SIK3: variants seen among roughly 807,000 people sequenced by gnomAD.
SIK3 encodes the protein serine/threonine-protein kinase SIK3.
In SIK3, 28 loss-of-function variants were observed where a neutral mutation model predicts 144.2. The ratio of observed to expected loss-of-function variants is 0.19; its 90% CI spans 0.14 to 0.27. The LOEUF (loss-of-function observed/expected upper bound fraction) is 0.27, where lower values mean the gene tolerates loss of function less well. Ranked by LOEUF, SIK3 falls within the 10% of genes least tolerant of loss-of-function variation. The pLI, the probability that SIK3 is intolerant of heterozygous loss-of-function variation, is 1.00. For missense variants in SIK3, 1,319 were observed against 1,776.0 expected (o/e 0.74, Z 4.62); for synonymous variants, 686 against 676.3 (o/e 1.01, Z -0.22).
chr11:116,964,706 C>T (rs1032756671), intron 1 of SIK3, among the ~76,000 whole-genome samples: 4 of 152,026 alleles, frequency 2.6e-5, no homozygotes, highest in Non-Finnish European at 5.9e-5. Flanking sequence ...CATGGTGAAA[C>T]CCCACCTCTA....
At chr11:117,036,264 G>A (rs771882735) in intron 1 of SIK3, among the ~76,000 whole-genome samples, 4 of 152,172 alleles carry the variant, frequency 2.6e-5, no homozygotes, top group South Asian at 2.1e-4. Context: ...GTTTCTCATA[G>A]TAACGTAAAG....
intron 3 of SIK3, chr11:116,950,024 A>G (rs1001223040): frequency 6.7e-6 from 3 of 450,502 alleles, no homozygotes; most frequent in Admixed American, 2.4e-5. Flanking sequence ...GGGGGAGGAC[A>G]GCAGCCTGGG....
At chr11:117,006,978 A>G (rs559587952) in intron 1 of SIK3, among the ~76,000 whole-genome samples, 2 of 152,358 alleles carry the variant, frequency 1.3e-5, no homozygotes, top group East Asian at 3.9e-4. Flanking sequence ...TAATCCAGGA[A>G]TTGCAGACTT....
chr11:117,077,091 G>A (rs896972778), intron 1 of SIK3, among the ~76,000 whole-genome samples: 1 of 152,194 alleles, frequency 6.6e-6, no homozygotes, highest in African/African-American at 2.4e-5. Flanking sequence ...AGGAGTTTGA[G>A]GTGACTGTGA....
intron 15 of SIK3, chr11:116,865,210 T>A (rs1185199435): frequency 6.6e-6 from 1 of 151,440 alleles, no homozygotes; most frequent in Non-Finnish European, 1.5e-5. Flanking sequence ...TTCCTATGCT[T>A]TCAATGTTTT....
chr11:116,977,988 G>A (rs937462350), intron 1 of SIK3, among the ~76,000 whole-genome samples: 12 of 152,198 alleles, frequency 7.9e-5, no homozygotes, highest in Non-Finnish European at 1.2e-4. Context: ...GGAGGCCGAG[G>A]CGGGTGGATC....
rs540005925 is a variant in SIK3, at chr11:116,933,233, T to C, written c.455-5853A>G. Among the ~76,000 whole-genome samples the C allele has an allele frequency of 1.9e-4, 29 of 151,348 alleles. No individual in the cohort carries two copies. The South Asian group carries it at 2.5e-3, about 13-fold the overall frequency. On this transcript the variant is annotated intron_variant, in intron 3 of 24. Coordinates refer to ENST00000445177, the MANE Select transcript of SIK3 (RefSeq NM_001366686.3). ...TTGGCTCACTGCAACCTCCACCTCC[T>C]GGGTTCAAGTGATTCTCCTGCCTCA...
chr11:117,075,276 T>C (rs992906135), intron 1 of SIK3, among the ~76,000 whole-genome samples: 1 of 152,206 alleles, frequency 6.6e-6, no homozygotes, highest in Non-Finnish European at 1.5e-5. Flanking sequence ...AATAGTTCCC[T>C]AAATGGGGTA....
intron 1 of SIK3, among the ~76,000 whole-genome samples, chr11:116,960,169 G>A (rs535256849): frequency 6.6e-6 from 1 of 152,246 alleles, no homozygotes; most frequent in South Asian, 2.1e-4. Flanking sequence ...AGTTTTAATA[G>A]ATTAAAACAT....
chr11:116,920,740 C>G (rs1946920858), intron 4 of SIK3, among the ~76,000 whole-genome samples: 1 of 152,190 alleles, frequency 6.6e-6, no homozygotes, highest in African/African-American at 2.4e-5. Context: ...ACCGCCTGAA[C>G]TTCAGTTCGA....
chr11:117,051,126 A>G (rs1953218547), intron 1 of SIK3, among the ~76,000 whole-genome samples: 1 of 152,180 alleles, frequency 6.6e-6, no homozygotes, highest in Non-Finnish European at 1.5e-5. Flanking sequence ...GAGAGAGCAA[A>G]CGGCAGAGGA....
At chr11:116,928,267 A>C (rs1185505378) in intron 3 of SIK3, among the ~76,000 whole-genome samples, 1 of 152,222 alleles carries the variant, frequency 6.6e-6, no homozygotes, top group African/African-American at 2.4e-5. Context: ...TCTTTGACTC[A>C]GTTCTTTATC....
At chr11:116,860,600 A>T (rs1032043805) in intron 19 of SIK3, among the ~76,000 whole-genome samples, 1 of 152,238 alleles carries the variant, frequency 6.6e-6, no homozygotes, top group African/African-American at 2.4e-5. Context: ...AGGTTTTGTT[A>T]AAAATATTAA....
At chr11:117,043,664 A>G (rs1952839019) in intron 1 of SIK3, among the ~76,000 whole-genome samples, 1 of 152,308 alleles carries the variant, frequency 6.6e-6, no homozygotes, top group South Asian at 2.1e-4. Flanking sequence ...TAAAATCAAC[A>G]TTCAACTGAA....
At chr11:116,876,841 G>A (rs1405993507) in intron 7 of SIK3, 83 bp downstream of exon 7, 1 of 1,128,836 alleles carries the variant, frequency 8.9e-7, no homozygotes, top group Non-Finnish European at 1.3e-6. Flanking sequence ...CGCCTTTCAG[G>A]TTATGGCCTG....
chr11:116,880,619 T>C (rs1360335724), intron 6 of SIK3, among the ~76,000 whole-genome samples: 1 of 152,192 alleles, frequency 6.6e-6, no homozygotes, highest in East Asian at 1.9e-4. Flanking sequence ...TGTCATGTAG[T>C]TCATGAAATT....
At chr11:117,039,538 A>G (rs1355531403) in intron 1 of SIK3, among the ~76,000 whole-genome samples, 1 of 152,276 alleles carries the variant, frequency 6.6e-6, no homozygotes, top group East Asian at 1.9e-4. Context: ...TATTATAAAC[A>G]GACATGTTAC....
chr11:117,053,067 G>A (rs930894286), intron 1 of SIK3, among the ~76,000 whole-genome samples: 5 of 152,158 alleles, frequency 3.3e-5, no homozygotes, highest in East Asian at 3.8e-4. Flanking sequence ...GGCCGGGCGC[G>A]GTGGCTCATG....
chr11:117,089,106 T>TTA (rs1315821850), intron 1 of SIK3, among the ~76,000 whole-genome samples: 1 of 151,848 alleles, frequency 6.6e-6, no homozygotes, highest in Non-Finnish European at 1.5e-5. Context: ...TAATAAATGT[T>TTA]TATAAGAGTA....
Sources: gnomAD v4.1 joint callset for allele counts (sites outside exome capture counted in the v4.1 genomes callset) on GRCh38, gnomAD v4.1.1 for gene constraint, MANE v1.5 for transcripts, NCBI Gene and HGNC (gene_info 2026-07-23, HGNC 2026-07-21) for gene names.